Variants in REV3L observed in about 807,000 individuals in gnomAD.
REV3L encodes the protein REV3 like, DNA directed polymerase zeta catalytic subunit, also known as DNA polymerase zeta catalytic subunit.
In REV3L, 69 loss-of-function variants were observed where a neutral mutation model predicts 299.4. That is an observed-to-expected ratio of 0.23 (90% confidence interval 0.19 to 0.28). The LOEUF is 0.28. REV3L is among the 10% of genes least tolerant of loss of function. The probability of loss-of-function intolerance (pLI) is 1.00; values close to 1 mark genes in which losing one functional copy is unlikely to be tolerated. For synonymous variants in REV3L, 1,238 were observed against 1,271.4 expected, an observed-to-expected ratio of 0.97 and a Z score of 0.56; for missense variants, 3,128 against 3,693.8, an observed-to-expected ratio of 0.85 and a Z score of 3.97.
At chr6:111,309,292 A>T (rs1247349702) in intron 30 of REV3L, 1 of 152,136 alleles carries the variant, frequency 6.6e-6, no homozygotes, top group African/African-American at 2.4e-5. Context: ...TATTGAGTGG[A>T]AGTAGCTCTC....
chr6:111,365,294 G>T lies in REV3L; in HGVS notation c.6724C>A (p.Leu2242Ile). 6.4e-7 allele frequency: 1 copy of T among 1,569,498 alleles called. No homozygotes were observed. Among genetic ancestry groups the T allele is most frequent in the Non-Finnish European group, 8.6e-7 (1 of 1,158,286 alleles). The stretch of plus-strand genomic sequence containing the variant: ...GCTTGTGTTAACAGTACTCTTCTAA[G>T]AGTGTCAGTATTACTTCCTTTCTTA... Reference protein sequence around the residue: ...SNKKGSNTDTLRRVLLTQAKN... With the variant: ...SNKKGSNTDTIRRVLLTQAKN... The change falls in exon 15 of 32, where the codon CTT becomes ATT. Residue 2242 changes from leucine to isoleucine, a missense_variant. Physicochemically the swap from Leu to Ile is conservative, Grantham distance 5. Coordinates refer to ENST00000368802, the MANE Select transcript of REV3L (RefSeq NM_001372078.1).
chr6:111,377,779 T>C lies in REV3L; in HGVS notation c.1519A>G (p.Met507Val). The stretch of plus-strand genomic sequence containing the variant: ...AGCAAACTGTTATCACTCCATTCCA[T>C]TTCTTCTCCTGAAGATGAGTCATCA... Reference protein sequence around the residue: ...EDDDSSSGEEMEWSDNSLLLA... With the variant: ...EDDDSSSGEEVEWSDNSLLLA... The change falls in exon 12 of 32, where the codon ATG (methionine) becomes GTG (valine). Residue 507 changes from methionine to valine, a missense_variant. Coordinates refer to ENST00000368802, the MANE Select transcript of REV3L (RefSeq NM_001372078.1). 1 of 1,613,702 alleles carries C rather than the reference T, an allele frequency of 6.2e-7. No homozygotes were observed. Among genetic ancestry groups the C allele is most frequent in the Non-Finnish European group, 8.5e-7 (1 of 1,179,778 alleles).
Position 111,389,156 on chromosome 6 carries a change from C to T in REV3L, c.812G>A (p.Arg271Gln), listed in dbSNP as rs1303076034. 1.2e-6 allele frequency: 2 copies of T among 1,613,884 alleles called. No homozygotes were observed. The highest frequency in any genetic ancestry group is 1.7e-6 in the Non-Finnish European group (2 of 1,179,892). ...AGAAGTTTCATTTCTGTTTCTTCGC[C>T]GTTGCTTTTCATCTTCCCATATGGC... Reference protein sequence around the residue: ...LQAIWEDEKQRRRNRNETSQM... With the variant: ...LQAIWEDEKQQRRNRNETSQM... Residue 271 changes from arginine (R) to glutamine (Q), a missense_variant, in exon 7 of 32, where the codon CGG (arginine) becomes CAG (glutamine). Arg to Gln is a conservative substitution (Grantham distance 43). Coordinates refer to ENST00000368802, the MANE Select transcript of REV3L (RefSeq NM_001372078.1).
intron 1 of REV3L, among the ~76,000 whole-genome samples, chr6:111,475,340 G>A (rs982150733): frequency 6.6e-6 from 1 of 152,018 alleles, no homozygotes; most frequent in Non-Finnish European, 1.5e-5. Flanking sequence ...ATATTTATTT[G>A]ACATATATGC....
rs188643959 is a variant in REV3L, at chr6:111,482,173, G to A, written c.139+577C>T. 2.2e-3 allele frequency among the ~76,000 whole-genome samples: 332 copies of A among 152,272 alleles called. 1 individual carries two copies. The highest frequency in any genetic ancestry group is 7.5e-3 in the African/African-American group (313 of 41,562). ...CCTGCACTCACAGCAGAGCCACACG[G>A]TCACCCCAGTGAGAAAGATTATCTG... On this transcript the variant is annotated intron_variant, in intron 1 of 31. Transcript: ENST00000368802.
chr6:111,308,401 G>T (rs1365146187), intron 30 of REV3L, among the ~76,000 whole-genome samples: 4 of 152,122 alleles, frequency 2.6e-5, no homozygotes, highest in African/African-American at 9.7e-5. Context: ...AGGTGGGCAA[G>T]ATCATCTAAC....
intron 1 of REV3L, 107 bp from the exon 2 acceptor site, chr6:111,416,579 G>A: frequency 1.1e-6 from 1 of 884,032 alleles, no homozygotes; most frequent in Non-Finnish European, 1.7e-6. Context: ...GCTTATCTAA[G>A]GGAAGAGTTG....
intron 27 of REV3L, among the ~76,000 whole-genome samples, chr6:111,314,362 CTG>C (rs1773295566): frequency 2.0e-5 from 3 of 152,152 alleles, no homozygotes; most frequent in Admixed American, 6.5e-5. Flanking sequence ...GCGTGGGACA[CTG>C]TGTTACTTTG....
In REV3L at chr6:111,351,685, G is replaced by T; in HGVS notation, c.7291C>A (p.Arg2431=). 1 of 1,612,014 alleles carries T rather than the reference G, an allele frequency of 6.2e-7. No individual in the cohort carries two copies. Residue 2431 remains arginine, a synonymous_variant, in exon 19 of 32, where the codon CGG becomes AGG. Coordinates refer to ENST00000368802, the MANE Select transcript of REV3L (RefSeq NM_001372078.1). ...TCACAATGACACATACCTGGCACCCGAGAGATCATCCGACATAAGTCAATA... is the reference window on the plus strand; with the variant it reads ...TCACAATGACACATACCTGGCACCCTAGAGATCATCCGACATAAGTCAATA... ...LSIDLCRMIS[R]VPDDKIENRF...
intron 1 of REV3L, among the ~76,000 whole-genome samples, chr6:111,437,636 T>A (rs934365305): frequency 6.6e-6 from 1 of 152,002 alleles, no homozygotes; most frequent in East Asian, 1.9e-4. Context: ...ATGTCCAAAA[T>A]AGGCAAATTT....
At chr6:111,431,819 C>G (rs1277507836) in intron 1 of REV3L, 1 of 584,354 alleles carries the variant, frequency 1.7e-6, no homozygotes, top group African/African-American at 1.9e-5. Flanking sequence ...TATGTACATA[C>G]TTTTTCATTC....
chr6:111,315,109 C>T (rs1329473677), intron 27 of REV3L, among the ~76,000 whole-genome samples, 158 bp downstream of exon 27: 2 of 151,962 alleles, frequency 1.3e-5, no homozygotes, highest in African/African-American at 2.4e-5. Flanking sequence ...TTTGGCCTCC[C>T]GAAGTGCCAG....
chr6:111,374,613 C>T lies in REV3L; in HGVS notation c.3742G>A (p.Val1248Met), dbSNP rs540726931. 1.9e-6 allele frequency: 3 copies of T among 1,613,688 alleles called. No individual in the cohort carries two copies. The highest frequency in any genetic ancestry group is 3.3e-5 in the Admixed American group (2 of 59,966). ...CCAGAACTACTTGCAAATTCAGACACATTCTGGTGTTTCAGTACAAACTTA... is the reference window on the plus strand; with the variant it reads ...CCAGAACTACTTGCAAATTCAGACATATTCTGGTGTTTCAGTACAAACTTA... ...EVKFVLKHQN[V>M]SEFASSSGGS... The change falls in exon 13 of 32, where the codon GTG (valine) becomes ATG (methionine). Residue 1248 changes from valine to methionine, a missense_variant. Val to Met is a conservative substitution (Grantham distance 21). Coordinates refer to ENST00000368802, the MANE Select transcript of REV3L (RefSeq NM_001372078.1).
chr6:111,375,929 G>T lies in REV3L; in HGVS notation c.2426C>A (p.Thr809Asn), dbSNP rs777040153. The change falls in exon 13 of 32, where the codon ACT (threonine) becomes AAT (asparagine). Residue 809 changes from threonine (T) to asparagine (N), a missense_variant. Transcript: ENST00000368802. ...GACAGGAGATAGTTTCTGTGGTCTAGTAAGACAGTTAGAAAGAACAACACT... is the reference window on the plus strand; with the variant it reads ...GACAGGAGATAGTTTCTGTGGTCTATTAAGACAGTTAGAAAGAACAACACT... ...FPSVVLSNCL[T>N]RPQKLSPVTY... The T allele has an allele frequency of 1.2e-6, 2 of 1,613,954 alleles. No individual in the cohort carries two copies. The highest frequency in any genetic ancestry group is 1.7e-6 in the Non-Finnish European group (2 of 1,179,892).
intron 1 of REV3L, among the ~76,000 whole-genome samples, chr6:111,452,925 A>G (rs1562334971): frequency 6.6e-6 from 1 of 152,182 alleles, no homozygotes; most frequent in Non-Finnish European, 1.5e-5. Flanking sequence ...AAATGTGGAA[A>G]TCACTGGAAA....
intron 31 of REV3L, among the ~76,000 whole-genome samples, chr6:111,302,036 G>C (rs564248507): frequency 6.6e-6 from 1 of 152,270 alleles, no homozygotes; most frequent in African/African-American, 2.4e-5. Flanking sequence ...TTTATCAAAG[G>C]GTTTCAGTTT....
rs150832513 is a variant in REV3L, at chr6:111,439,344, C to T, written c.140-22872G>A. ...AGGAACTGCTAACAAATGTACAGTG[C>T]GGTGGTGGTTCAAGAAGTTGTGCAA... On this transcript the variant is annotated intron_variant, in intron 1 of 31. Transcript: ENST00000368802. 5.9e-5 allele frequency among the ~76,000 whole-genome samples: 9 copies of T among 152,208 alleles called. No homozygotes were observed. The East Asian group carries it at 7.7e-4, about 13-fold the overall frequency.
intron 1 of REV3L, among the ~76,000 whole-genome samples, chr6:111,425,486 C>T (rs1410588983): frequency 4.0e-5 from 6 of 151,896 alleles, no homozygotes; most frequent in Non-Finnish European, 8.8e-5. Flanking sequence ...AGAGACTATA[C>T]AAAATAAGCC....
intron 1 of REV3L, among the ~76,000 whole-genome samples, chr6:111,479,522 T>A (rs1479245888): frequency 6.6e-6 from 1 of 151,234 alleles, no homozygotes; most frequent in Non-Finnish European, 1.5e-5. Context: ...TTTTTTTTTT[T>A]TTTTTAAGAC....
Sources: gnomAD v4.1 joint callset for allele counts (sites outside exome capture counted in the v4.1 genomes callset) on GRCh38, gnomAD v4.1.1 for gene constraint, MANE v1.5 for transcripts, NCBI Gene and HGNC (gene_info 2026-07-23, HGNC 2026-07-21) for gene names.